FLVCR2: variants seen among roughly 807,000 people sequenced by gnomAD.
The protein encoded by FLVCR2 is FLVCR choline and putative heme transporter 2, also known as choline/ethanolamine transporter FLVCR2.
FLVCR2 carries 38 observed loss-of-function variants against 48.9 expected under a neutral mutation model. That is an observed-to-expected ratio of 0.78 (90% CI 0.60 to 1.02). The LOEUF (loss-of-function observed/expected upper bound fraction) is 1.02. Among genes scored for constraint, FLVCR2 ranks in the 50% least tolerant of loss-of-function variants. The pLI, the probability that FLVCR2 is intolerant of heterozygous loss-of-function variation, is 0.00. For synonymous variants in FLVCR2, 255 were observed against 257.0 expected (o/e 0.99, Z 0.07); for missense variants, 664 against 663.3 (o/e 1.00, Z -0.01).
At chr14:75,605,221 C>T (rs1026747788) in intron 1 of FLVCR2, among the ~76,000 whole-genome samples, 5 of 152,162 alleles carry the variant, frequency 3.3e-5, no homozygotes, top group African/African-American at 1.2e-4. Flanking sequence ...GGAGTGCCAT[C>T]AAGGATGATT....
chr14:75,585,830 G>T (rs1343887033), intron 1 of FLVCR2, among the ~76,000 whole-genome samples: 1 of 152,222 alleles, frequency 6.6e-6, no homozygotes, highest in Non-Finnish European at 1.5e-5. Context: ...AGAGGAAAAA[G>T]AACTGGAATT....
At chr14:75,594,728 T>TC (rs1888973979) in intron 1 of FLVCR2, among the ~76,000 whole-genome samples, 2 of 151,968 alleles carry the variant, frequency 1.3e-5, no homozygotes, top group South Asian at 4.1e-4. Flanking sequence ...TCACTTTTTT[T>TC]TTTTTTTTAA....
At chr14:75,586,707 G>C (rs761419164) in intron 1 of FLVCR2, among the ~76,000 whole-genome samples, 24 of 151,902 alleles carry the variant, frequency 1.6e-4, no homozygotes, top group Non-Finnish European at 3.4e-4. Flanking sequence ...CTTGTACTCC[G>C]GTAATTCTGA....
chr14:75,602,591 A>G (rs1450875278), intron 1 of FLVCR2, among the ~76,000 whole-genome samples: 1 of 152,206 alleles, frequency 6.6e-6, no homozygotes, highest in African/African-American at 2.4e-5. Flanking sequence ...CAGAGGACAA[A>G]GACCAAATAA....
intron 1 of FLVCR2, among the ~76,000 whole-genome samples, chr14:75,591,900 C>T (rs1888892706): frequency 6.7e-6 from 1 of 148,698 alleles, no homozygotes; most frequent in Non-Finnish European, 1.5e-5. Flanking sequence ...TGTACCTTGA[C>T]CTCTGAGGCT....
At chr14:75,608,398 C>T (rs1328660210) in intron 1 of FLVCR2, among the ~76,000 whole-genome samples, 4 of 152,204 alleles carry the variant, frequency 2.6e-5, no homozygotes, top group South Asian at 2.1e-4. Context: ...AGGAAACTGA[C>T]CGCTTGCTGC....
In FLVCR2 at chr14:75,588,759, G is replaced by A. The variant is rs190591248; in HGVS notation, c.669+9118G>A. ...CTCCCAAAGTGTTTGGATTACAGGC[G>A]TGAGCCACTGCACCTGGCCCCCCAA... On this transcript the variant is annotated intron_variant, in intron 1 of 9. Coordinates refer to ENST00000238667, the MANE Select transcript of FLVCR2 (RefSeq NM_017791.3). 7.2e-5 allele frequency among the ~76,000 whole-genome samples: 11 copies of A among 152,264 alleles called. No individual in the cohort carries two copies. The South Asian group carries it at 1.0e-3, about 14-fold the overall frequency.
intron 1 of FLVCR2, among the ~76,000 whole-genome samples, chr14:75,594,918 A>G (rs1026684509): frequency 1.1e-4 from 17 of 152,050 alleles, no homozygotes; most frequent in Non-Finnish European, 2.1e-4. Flanking sequence ...GGGTCTTGCT[A>G]TGTTGTGCAG....
At chr14:75,617,704 A>C (rs1364950412) in intron 1 of FLVCR2, among the ~76,000 whole-genome samples, 1 of 152,224 alleles carries the variant, frequency 6.6e-6, no homozygotes, top group Non-Finnish European at 1.5e-5. Context: ...ACATTTTACT[A>C]TGATGAGTAT....
chr14:75,623,416 G>T (rs961920564), intron 2 of FLVCR2, among the ~76,000 whole-genome samples: 3 of 152,108 alleles, frequency 2.0e-5, no homozygotes, highest in Non-Finnish European at 4.4e-5. Flanking sequence ...CAAGACAGAG[G>T]TTTTTATTTT....
chr14:75,596,392 T>A (rs566606821), intron 1 of FLVCR2, among the ~76,000 whole-genome samples: 4 of 152,312 alleles, frequency 2.6e-5, no homozygotes, highest in African/African-American at 9.6e-5. Flanking sequence ...AGCCAGTCCA[T>A]ATAAATGCTG....
intron 1 of FLVCR2, among the ~76,000 whole-genome samples, chr14:75,588,210 T>C (rs1244429808): frequency 6.6e-6 from 1 of 152,198 alleles, no homozygotes; most frequent in African/African-American, 2.4e-5. Context: ...TTATTTAGCT[T>C]ACAGTTTGAG....
chr14:75,596,044 T>C (rs1043678926), intron 1 of FLVCR2: 2 of 1,291,370 alleles, frequency 1.5e-6, no homozygotes, highest in Non-Finnish European at 1.1e-6. Flanking sequence ...AATACAAAGA[T>C]GACATCCAGT....
chr14:75,622,809 A>T (rs1225280221), intron 2 of FLVCR2, among the ~76,000 whole-genome samples: 2 of 152,166 alleles, frequency 1.3e-5, no homozygotes, highest in African/African-American at 2.4e-5. Context: ...TGGGGATCAT[A>T]GTTCTTTAAT....
At chr14:75,596,318 C>G in intron 1 of FLVCR2, 1 of 419,338 alleles carries the variant, frequency 2.4e-6, no homozygotes, top group Non-Finnish European at 4.4e-6. Flanking sequence ...GAAAACAAGG[C>G]CAGTAGTGAC....
At chr14:75,602,638 A>G (rs1348768358) in intron 1 of FLVCR2, among the ~76,000 whole-genome samples, 1 of 152,232 alleles carries the variant, frequency 6.6e-6, no homozygotes, top group African/African-American at 2.4e-5. Context: ...CAGTAGAAAC[A>G]GAAAGTAGAA....
At chr14:75,632,524 G>A (rs1391599215) in intron 3 of FLVCR2, 2 of 666,950 alleles carry the variant, frequency 3.0e-6, no homozygotes, top group Non-Finnish European at 5.4e-6. Context: ...TTAAGCCAGG[G>A]TGGTTGCCAT....
chr14:75,579,773 C>T lies in FLVCR2; in HGVS notation c.669+132C>T, dbSNP rs143027473. Reference sequence around the variant, plus strand: ...TCTGGGTGACAGTAACTGGGTGTGACAGGCAGTGATTGTGATGCTGTAAGA... The same window carrying T: ...TCTGGGTGACAGTAACTGGGTGTGATAGGCAGTGATTGTGATGCTGTAAGA... On this transcript the variant is annotated intron_variant, in intron 1 of 9. Transcript: ENST00000238667. 139 of 1,003,510 alleles carry T rather than the reference C, an allele frequency of 1.4e-4. No homozygotes were observed. The African/African-American group carries it at 1.9e-3, about 14-fold the overall frequency. 62.2% of individuals were successfully genotyped at this position (1,003,510 alleles called of 1,614,324 possible). A position where few individuals can be genotyped will look rare whatever the true frequency, so the allele number is the denominator to read the frequency against.
At chr14:75,603,047 T>G (rs1480288594) in intron 1 of FLVCR2, among the ~76,000 whole-genome samples, 2 of 152,132 alleles carry the variant, frequency 1.3e-5, no homozygotes, top group African/African-American at 4.8e-5. Flanking sequence ...TCCTTATCCC[T>G]TCTCTTGTCC....
Sources: allele counts gnomAD v4.1 joint callset (sites outside exome capture counted in the v4.1 genomes callset), GRCh38; gene constraint gnomAD v4.1.1; transcripts MANE v1.5; gene names NCBI Gene and HGNC (gene_info 2026-07-23, HGNC 2026-07-21).